Variants in USP6NL observed in about 807,000 individuals in gnomAD.
USP6NL encodes USP6 N-terminal-like protein.
USP6NL carries 26 observed loss-of-function variants against 61.9 expected under a neutral mutation model. The ratio of observed to expected loss-of-function variants is 0.42; its 90% CI spans 0.31 to 0.58. The LOEUF is 0.58. Among genes scored for constraint, USP6NL ranks in the 20% least tolerant of loss-of-function variants. The pLI, the probability that USP6NL is intolerant of heterozygous loss-of-function variation, is 0.16. For missense variants in USP6NL, 1,114 were observed against 1,034.3 expected, an observed-to-expected ratio of 1.08 and a Z score of -1.06; for synonymous variants, 432 against 390.1, an observed-to-expected ratio of 1.11 and a Z score of -1.27.
Position 11,596,815 on chromosome 10 carries a change from T to C in USP6NL, c.4+816A>G, listed in dbSNP as rs529514661. ...AGCAGCGTCATTTTCACTTATCTACTGCCTAATTATTTGAACTGATGATGA... is the reference window on the plus strand; with the variant it reads ...AGCAGCGTCATTTTCACTTATCTACCGCCTAATTATTTGAACTGATGATGA... On this transcript the variant is annotated intron_variant, in intron 2 of 14. Transcript: ENST00000609104. The surrounding 1 kb of genome is among the most constrained non-coding windows in gnomAD (Gnocchi z 4.1). Among the ~76,000 whole-genome samples the C allele has an allele frequency of 1.1e-4, 17 of 152,298 alleles. No homozygotes were observed. Among genetic ancestry groups the C allele is most frequent in the Admixed American group, 7.8e-4 (12 of 15,296 alleles).
Position 11,591,844 on chromosome 10 carries a change from T to C in USP6NL, c.4+5787A>G, listed in dbSNP as rs1002669704. ...TATATAAGACTATATTAAATTCATA[T>C]TTAATTTCCCATAGTATCAAACCAA... On this transcript the variant is annotated intron_variant, in intron 2 of 14. Coordinates refer to ENST00000609104, the MANE Select transcript of USP6NL (RefSeq NM_014688.5). This position sits in a 1 kb window ranked among gnomAD's most constrained non-coding sequence, Gnocchi z 4.7. Among the ~76,000 whole-genome samples, 5 of 152,194 alleles carry C rather than the reference T, an allele frequency of 3.3e-5. No homozygotes were observed. The highest frequency in any genetic ancestry group is 1.2e-4 in the African/African-American group (5 of 41,442).
chr10:11,497,271 C>T (rs906173050), intron 7 of USP6NL, among the ~76,000 whole-genome samples: 3 of 151,324 alleles, frequency 2.0e-5, no homozygotes, highest in Non-Finnish European at 2.9e-5. Flanking sequence ...AATAACCGGG[C>T]ATGGTGGCGG....
chr10:11,556,867 A>T (rs1836726652), intron 2 of USP6NL, among the ~76,000 whole-genome samples: 1 of 152,184 alleles, frequency 6.6e-6, no homozygotes, highest in Non-Finnish European at 1.5e-5. Context: ...TCTAACAACA[A>T]ATCAATCACA....
chr10:11,530,990 G>C (rs749212957), intron 2 of USP6NL, among the ~76,000 whole-genome samples: 6 of 152,200 alleles, frequency 3.9e-5, no homozygotes, highest in Admixed American at 1.3e-4. Flanking sequence ...CAGCTGTCTT[G>C]TGTCTGTGTG....
chr10:11,501,549 T>C (rs1449019497), intron 6 of USP6NL, among the ~76,000 whole-genome samples: 1 of 152,218 alleles, frequency 6.6e-6, no homozygotes, highest in Non-Finnish European at 1.5e-5. Flanking sequence ...TCCCTGATGG[T>C]ATAATTAACT....
intron 2 of USP6NL, among the ~76,000 whole-genome samples, chr10:11,577,323 C>CAG (rs1837586781): frequency 6.6e-6 from 1 of 152,150 alleles, no homozygotes; most frequent in Non-Finnish European, 1.5e-5. Context: ...CTCGCCCTCC[C>CAG]AAAGTGCTGG....
At chr10:11,545,917 A>G (rs991901398) in intron 2 of USP6NL, among the ~76,000 whole-genome samples, 6 of 152,250 alleles carry the variant, frequency 3.9e-5, no homozygotes, top group Admixed American at 6.5e-5. Context: ...TTTCAAGAAC[A>G]TAACTTCCAA....
intron 2 of USP6NL, among the ~76,000 whole-genome samples, chr10:11,560,723 T>TAC (rs10642569): frequency 0.012 from 1,697 of 146,856 alleles, 38 homozygotes; most frequent in African/African-American, 0.038. Context: ...ATTATATATA[T>TAC]ATATATATAT....
chr10:11,581,034 T>C (rs1283974891), intron 2 of USP6NL, among the ~76,000 whole-genome samples: 1 of 152,130 alleles, frequency 6.6e-6, no homozygotes, highest in Non-Finnish European at 1.5e-5. Flanking sequence ...TATAAGTAAT[T>C]CAAACCAACA....
chr10:11,569,394 T>G (rs1030173272), intron 2 of USP6NL, among the ~76,000 whole-genome samples: 1 of 152,198 alleles, frequency 6.6e-6, no homozygotes, highest in African/African-American at 2.4e-5. Context: ...AAACGTTCAG[T>G]AAGTCAAATC....
rs1024941542 is a variant in USP6NL at position 11,602,183 on chromosome 10, G to T, written c.-83-4466C>A. Among the ~76,000 whole-genome samples the T allele has an allele frequency of 3.3e-5, 5 of 152,142 alleles. No individual in the cohort carries two copies. In the South Asian group the frequency reaches 1.0e-3, roughly 32 times the overall value. On this transcript the variant is annotated intron_variant, in intron 1 of 14. Coordinates refer to ENST00000609104, the MANE Select transcript of USP6NL (RefSeq NM_014688.5). This position sits in a 1 kb window ranked among gnomAD's most constrained non-coding sequence, Gnocchi z 4.8. ...TTAAAGAAATTCAATGACAATGAAT[G>T]AATAAACAACGAGCAACGTATTTAA...
chr10:11,530,536 G>A (rs1296349703), intron 2 of USP6NL, among the ~76,000 whole-genome samples: 1 of 152,182 alleles, frequency 6.6e-6, no homozygotes, highest in African/African-American at 2.4e-5. Flanking sequence ...AAAGTGATCA[G>A]AACAGTTAAC....
chr10:11,545,221 C>T (rs1836229558), intron 2 of USP6NL, among the ~76,000 whole-genome samples: 1 of 152,156 alleles, frequency 6.6e-6, no homozygotes, highest in South Asian at 2.1e-4. Context: ...CAAACCCTCC[C>T]CTCTCTGCCC....
intron 1 of USP6NL, among the ~76,000 whole-genome samples, chr10:11,607,022 T>C (rs542731511): frequency 3.9e-5 from 6 of 152,190 alleles, no homozygotes; most frequent in Non-Finnish European, 7.3e-5. Context: ...ACTCCTGGCC[T>C]CATGTGATCC....
Position 11,575,781 on chromosome 10 carries a change from T to C in USP6NL, c.4+21850A>G, listed in dbSNP as rs116360999. Reference sequence around the variant, plus strand: ...CATACTCTGATGTATGTAACTGAGCTGAACTCTTTAAAATGCCAAAGTCAT... The same window carrying C: ...CATACTCTGATGTATGTAACTGAGCCGAACTCTTTAAAATGCCAAAGTCAT... On this transcript the variant is annotated intron_variant, in intron 2 of 14. Coordinates refer to ENST00000609104, the MANE Select transcript of USP6NL (RefSeq NM_014688.5). This position sits in a 1 kb window ranked among gnomAD's most constrained non-coding sequence, Gnocchi z 4.2. Among the ~76,000 whole-genome samples, 1 of 152,202 alleles carries C rather than the reference T, an allele frequency of 6.6e-6. No individual in the cohort carries two copies. The highest frequency in any genetic ancestry group is 1.5e-5 in the Non-Finnish European group (1 of 68,032).
rs572991074 is a variant in USP6NL at position 11,520,020 on chromosome 10, C to T, written c.156-1446G>A. On this transcript the variant is annotated intron_variant, in intron 4 of 14. Transcript: ENST00000609104. The surrounding 1 kb of genome is among the most constrained non-coding windows in gnomAD (Gnocchi z 5.2). Reference sequence around the variant, plus strand: ...GGAGTCCTTAGGTGAACAATTACTACAGCCACAAAACTAACACAAAAGAAT... The same window carrying T: ...GGAGTCCTTAGGTGAACAATTACTATAGCCACAAAACTAACACAAAAGAAT... 3.3e-5 allele frequency among the ~76,000 whole-genome samples: 5 copies of T among 152,296 alleles called. No homozygotes were observed. The highest frequency in any genetic ancestry group is 9.6e-5 in the African/African-American group (4 of 41,556).
chr10:11,536,100 G>A (rs1241302652), intron 2 of USP6NL, among the ~76,000 whole-genome samples: 1 of 152,182 alleles, frequency 6.6e-6, no homozygotes, highest in Non-Finnish European at 1.5e-5. Context: ...ATTTTGACTG[G>A]TCACTCTGGT....
At chr10:11,512,733 T>C (rs1566148017) in intron 5 of USP6NL, among the ~76,000 whole-genome samples, 1 of 152,180 alleles carries the variant, frequency 6.6e-6, no homozygotes, top group Non-Finnish European at 1.5e-5. Flanking sequence ...TCACCATCAT[T>C]TGGTAAAATC....
intron 4 of USP6NL, among the ~76,000 whole-genome samples, chr10:11,523,073 G>C (rs762324746): frequency 2.0e-5 from 3 of 152,012 alleles, no homozygotes; most frequent in Non-Finnish European, 4.4e-5. Flanking sequence ...ACAGTGCTCA[G>C]CACACAGTAA....
Sources: gnomAD v4.1 joint callset for allele counts (sites outside exome capture counted in the v4.1 genomes callset) on GRCh38, gnomAD v4.1.1 for gene constraint, Gnocchi (gnomAD v3.1) non-coding constraint, MANE v1.5 for transcripts, NCBI Gene and HGNC (gene_info 2026-07-23, HGNC 2026-07-21) for gene names.